TM4SF20: variants seen among roughly 807,000 people sequenced by gnomAD.
TM4SF20 encodes the protein transmembrane 4 L6 family member 20.
A neutral mutation model predicts 15.1 loss-of-function variants in TM4SF20; 13 were observed. The ratio of observed to expected loss-of-function variants is 0.86; its 90% CI spans 0.56 to 1.36. The LOEUF (loss-of-function observed/expected upper bound fraction) is 1.36. Among genes scored for constraint, TM4SF20 ranks in the 40% most tolerant of loss-of-function variants. The pLI is 0.00. For missense variants in TM4SF20, 282 were observed against 268.4 expected (o/e 1.05, Z -0.35); for synonymous variants, 92 against 96.6 (o/e 0.95, Z 0.28).
chr2:227,378,804 A>G (rs1003718580), intron 1 of TM4SF20, among the ~76,000 whole-genome samples: 2 of 152,370 alleles, frequency 1.3e-5, no homozygotes, highest in South Asian at 2.1e-4. Flanking sequence ...ACAAAGCTTG[A>G]AAGAGCAGCC....
chr2:227,381,258 G>C (rs1248291205), upstream of TM4SF20, among the ~76,000 whole-genome samples: 3 of 151,866 alleles, frequency 2.0e-5, no homozygotes, highest in Non-Finnish European at 4.4e-5. Context: ...GCCTGGGCAA[G>C]AGAGTGAGAC....
upstream of TM4SF20, chr2:227,379,464 A>G: frequency 2.1e-6 from 1 of 470,842 alleles, no homozygotes; most frequent in Non-Finnish European, 3.7e-6. Flanking sequence ...TATTATGATG[A>G]GGTGAAGGAA....
At chr2:227,381,138 G>A (rs1019175269), upstream of TM4SF20, among the ~76,000 whole-genome samples, 15 of 152,090 alleles carry the variant, frequency 9.9e-5, no homozygotes, top group Middle Eastern at 3.4e-3. Context: ...TTAGCTGGGT[G>A]TGGTGGCAGG....
chr2:227,366,552 AC>A (rs768461886), intron 2 of TM4SF20, among the ~76,000 whole-genome samples: 48 of 151,466 alleles, frequency 3.2e-4, no homozygotes, highest in Non-Finnish European at 6.0e-4. Context: ...ACATGGCAAA[AC>A]CCCCTCTCTA....
intron 1 of TM4SF20, among the ~76,000 whole-genome samples, chr2:227,373,659 G>A (rs1267092769): frequency 1.3e-5 from 2 of 152,080 alleles, no homozygotes; most frequent in East Asian, 1.9e-4. Flanking sequence ...GGCCGGGCGC[G>A]GTGGCTCACG....
Position 227,371,743 on chromosome 2 carries a change from C to A in TM4SF20, c.184-763G>T, listed in dbSNP as rs1393427666. ...TCTGTCACCACCCACTCCCACTAGC[C>A]TTTCTTTTCCCAGGATCCCGGCTAT... is the stretch of plus-strand genomic sequence containing the variant. On this transcript the variant is annotated intron_variant, in intron 1 of 3. Transcript: ENST00000304568. Among the ~76,000 whole-genome samples, 4 of 152,208 alleles carry A rather than the reference C, an allele frequency of 2.6e-5. No individual in the cohort carries two copies. In the East Asian group the frequency reaches 7.7e-4, roughly 29 times the overall value.
chr2:227,374,848 C>T (rs1027493483), intron 1 of TM4SF20, among the ~76,000 whole-genome samples: 14 of 150,536 alleles, frequency 9.3e-5, no homozygotes, highest in African/African-American at 2.9e-4. Flanking sequence ...TCTGGCACTT[C>T]GGGAGGCCAA....
chr2:227,364,816 T>C lies in TM4SF20; in HGVS notation c.402-804A>G, dbSNP rs184420958. On this transcript the variant is annotated intron_variant, in intron 3 of 3. Transcript: ENST00000304568. ...AGAGCGTAGCCTGGTGCCTGGTACA[T>C]TGTGGGCTGTTGTCATTCCCTGGGG... is the stretch of plus-strand genomic sequence containing the variant. 2.1e-3 allele frequency among the ~76,000 whole-genome samples: 322 copies of C among 152,316 alleles called. 2 individuals are homozygous for C. The highest frequency in any genetic ancestry group is 3.9e-3 in the South Asian group (19 of 4,826).
At chr2:227,380,675 G>T (rs530958574), upstream of TM4SF20, among the ~76,000 whole-genome samples, 1 of 152,170 alleles carries the variant, frequency 6.6e-6, no homozygotes, top group Non-Finnish European at 1.5e-5. Flanking sequence ...TCTCTACAGC[G>T]CCTTCCTTCT....
intron 2 of TM4SF20, among the ~76,000 whole-genome samples, chr2:227,368,645 C>T (rs1230677778): frequency 3.3e-5 from 5 of 152,142 alleles, no homozygotes; most frequent in Non-Finnish European, 7.4e-5. Context: ...GGATTGCAGG[C>T]GTGAGCCACC....
chr2:227,364,502 C>A (rs1248374203), intron 3 of TM4SF20, among the ~76,000 whole-genome samples: 2 of 151,712 alleles, frequency 1.3e-5, no homozygotes, highest in Non-Finnish European at 1.5e-5. Context: ...AAGTGATGTG[C>A]CTGTTCTTAA....
rs140321304 is a variant in TM4SF20 at position 227,369,316 on chromosome 2, G to A, written c.249+1599C>T. On this transcript the variant is annotated intron_variant, in intron 2 of 3. Transcript: ENST00000304568. The stretch of plus-strand genomic sequence containing the variant: ...TTTTAAGTAGTGGTTCTAACCCCTG[G>A]CCAAATTATCTTGAGTGCTTTTGAA... 6.4e-3 allele frequency among the ~76,000 whole-genome samples: 976 copies of A among 152,004 alleles called. 9 individuals are homozygous for A. Among genetic ancestry groups the A allele is most frequent in the Non-Finnish European group, 0.01 (704 of 67,992 alleles).
At chr2:227,364,063 G>T in intron 3 of TM4SF20, 51 bp from the exon 4 acceptor site, 1 of 1,529,712 alleles carries the variant, frequency 6.5e-7, no homozygotes, top group East Asian at 2.3e-5. Context: ...CCTGACCAAA[G>T]GAAAGTAGCA....
At chr2:227,378,889 C>T (rs932736050) in intron 1 of TM4SF20, among the ~76,000 whole-genome samples, 197 bp downstream of exon 1, 1 of 152,212 alleles carries the variant, frequency 6.6e-6, no homozygotes, top group Non-Finnish European at 1.5e-5. Context: ...GCCCAGCTCT[C>T]TATCCTATAC....
At chr2:227,374,088 T>TAAAAAAA (rs79866106) in intron 1 of TM4SF20, among the ~76,000 whole-genome samples, 2 of 85,308 alleles carry the variant, frequency 2.3e-5, no homozygotes, top group Non-Finnish European at 4.4e-5. Context: ...AGACCCTGTC[T>TAAAAAAA]AAAAAAAAAA....
At chr2:227,373,522 G>A (rs1189882135) in intron 1 of TM4SF20, among the ~76,000 whole-genome samples, 2 of 152,168 alleles carry the variant, frequency 1.3e-5, no homozygotes, top group African/African-American at 4.8e-5. Flanking sequence ...ACGGGAACTG[G>A]CAAACTATGG....
In TM4SF20 at chr2:227,366,238, G is replaced by T; in HGVS notation, c.256C>A (p.Leu86Ile). The T allele has an allele frequency of 1.2e-6, 2 of 1,607,048 alleles. No homozygotes were observed. Among genetic ancestry groups the T allele is most frequent in the Non-Finnish European group, 1.7e-6 (2 of 1,178,250 alleles). ...ACCNNRTGMF[L>I]SSLFSVITVI... ...GTGATCACACTGAAAAGTGATGAAA[G>T]AAACATCTGAAAAATAAAATAGAGC... The change falls in exon 3 of 4, where the codon CTT becomes ATT. Residue 86 changes from leucine (L) to isoleucine (I), a missense_variant. Leu to Ile is a conservative substitution (Grantham distance 5). Coordinates refer to ENST00000304568, the MANE Select transcript of TM4SF20 (RefSeq NM_024795.4).
In TM4SF20 at chr2:227,364,015, G is replaced by T. The variant is rs768792571; in HGVS notation, c.402-3C>A. 1 of 1,600,628 alleles carries T rather than the reference G, an allele frequency of 6.2e-7. No individual in the cohort carries two copies. ...TGAAGGATTCTGGATGAATGTCACTGAAAAACAAAAGATAAAAATCAGATA... is the reference window on the plus strand; with the variant it reads ...TGAAGGATTCTGGATGAATGTCACTTAAAAACAAAAGATAAAAATCAGATA... On this transcript the variant is annotated splice_region_variant and splice_polypyrimidine_tract_variant and intron_variant, in intron 3 of 3. Coordinates refer to ENST00000304568, the MANE Select transcript of TM4SF20 (RefSeq NM_024795.4).
In TM4SF20 at chr2:227,363,565, T is replaced by C; in HGVS notation, c.*159A>G. The stretch of plus-strand genomic sequence containing the variant: ...AAACTAATTGAAAATTCTCTCCACC[T>C]TTCCCAAATCAACCACTGATATGAG... On this transcript the variant is annotated 3_prime_UTR_variant, in exon 4 of 4. Coordinates refer to ENST00000304568, the MANE Select transcript of TM4SF20 (RefSeq NM_024795.4). 2 of 733,326 alleles carry C rather than the reference T, an allele frequency of 2.7e-6. No homozygotes were observed. The highest frequency in any genetic ancestry group is 4.3e-6 in the Non-Finnish European group (2 of 460,094). 45.4% of individuals were successfully genotyped at this position (733,326 alleles called of 1,614,324 possible).
Sources: allele counts gnomAD v4.1 joint callset (sites outside exome capture counted in the v4.1 genomes callset), GRCh38; gene constraint gnomAD v4.1.1; transcripts MANE v1.5; gene names NCBI Gene and HGNC (gene_info 2026-07-23, HGNC 2026-07-21).